SLC24A2: variants seen among roughly 807,000 people sequenced by gnomAD.
SLC24A2 encodes the protein sodium/potassium/calcium exchanger 2.
Under a neutral mutation model 62.0 loss-of-function variants are expected in SLC24A2, and 36 were observed. The observed-to-expected ratio is 0.58, with a 90% CI of 0.44 to 0.77. The LOEUF (loss-of-function observed/expected upper bound fraction) is 0.77. Among genes scored for constraint, SLC24A2 ranks in the 30% least tolerant of loss-of-function variants. The pLI, the probability that SLC24A2 is intolerant of heterozygous loss-of-function variation, is 0.00. For missense variants in SLC24A2, 846 were observed against 817.9 expected (o/e 1.03, Z -0.42); for synonymous variants, 358 against 294.0 (o/e 1.22, Z -2.23).
the SLC24A2 span, among the ~76,000 whole-genome samples, chr9:20,305,716 T>C: frequency 1.2e-4 from 18 of 152,334 alleles, no homozygotes; most frequent in Non-Finnish European, 2.2e-4. Context: ...GATGAGGACA[T>C]TGAGGCTCCA....
chr9:19,833,052 C>T, the SLC24A2 span, among the ~76,000 whole-genome samples: 1 of 152,192 alleles, frequency 6.6e-6, no homozygotes, highest in Non-Finnish European at 1.5e-5. Context: ...TACCATCTCA[C>T]ACCAGTTAGA....
At chr9:19,547,810 C>A (rs541960366) in intron 8 of SLC24A2, among the ~76,000 whole-genome samples, 4 of 151,530 alleles carry the variant, frequency 2.6e-5, no homozygotes, top group Middle Eastern at 3.2e-3. Flanking sequence ...AAGCATTGGA[C>A]TAAACAGCAG....
At chr9:19,837,880 C>T in the SLC24A2 span, among the ~76,000 whole-genome samples, 2 of 151,906 alleles carry the variant, frequency 1.3e-5, no homozygotes, top group East Asian at 3.8e-4. Context: ...AGGACCTCTT[C>T]AAGGAGAACT....
At chr9:19,932,901 T>A in the SLC24A2 span, among the ~76,000 whole-genome samples, 1 of 152,222 alleles carries the variant, frequency 6.6e-6, no homozygotes, top group Non-Finnish European at 1.5e-5. Flanking sequence ...TCCCCCGTCA[T>A]CACTGGTTTC....
intron 5 of SLC24A2, among the ~76,000 whole-genome samples, chr9:19,581,750 T>C (rs1423684517): frequency 6.6e-6 from 1 of 152,222 alleles, no homozygotes; most frequent in African/African-American, 2.4e-5. Flanking sequence ...AGATTCCAAA[T>C]TGCCATAAAG....
At chr9:19,808,355 C>T in the SLC24A2 span, among the ~76,000 whole-genome samples, 15 of 152,192 alleles carry the variant, frequency 9.9e-5, no homozygotes, top group Admixed American at 2.6e-4. This position sits in a 1 kb window ranked among gnomAD's most constrained non-coding sequence, Gnocchi z 4.1. Flanking sequence ...CTTTATGTCC[C>T]ATGAAAGAAA....
At chr9:20,056,000 T>C in the SLC24A2 span, among the ~76,000 whole-genome samples, 1 of 152,152 alleles carries the variant, frequency 6.6e-6, no homozygotes, top group African/African-American at 2.4e-5. Context: ...ATGTGTGGAG[T>C]ATTTAAAAAT....
the SLC24A2 span, among the ~76,000 whole-genome samples, chr9:19,937,644 T>C: frequency 1.3e-5 from 2 of 151,334 alleles, no homozygotes; most frequent in African/African-American, 4.9e-5. Context: ...ATCAATGTTG[T>C]CTGTTGAAAT....
At chr9:20,275,550 C>G in the SLC24A2 span, among the ~76,000 whole-genome samples, 2 of 152,228 alleles carry the variant, frequency 1.3e-5, no homozygotes, top group African/African-American at 4.8e-5. Flanking sequence ...GACACCCACT[C>G]ACCTCCCAGC....
the SLC24A2 span, among the ~76,000 whole-genome samples, chr9:20,149,495 G>A: frequency 9.0e-6 from 1 of 110,654 alleles, no homozygotes; most frequent in Non-Finnish European, 1.9e-5. Context: ...TTCTGTAATG[G>A]GCTCGATGAT....
chr9:20,082,131 C>A, the SLC24A2 span, among the ~76,000 whole-genome samples: 1 of 152,154 alleles, frequency 6.6e-6, no homozygotes, highest in Non-Finnish European at 1.5e-5. Context: ...AGTCTCTGTT[C>A]CAGTTGACTC....
At chr9:19,648,749 G>T (rs928312117) in intron 2 of SLC24A2, among the ~76,000 whole-genome samples, 1 of 152,114 alleles carries the variant, frequency 6.6e-6, no homozygotes, top group African/African-American at 2.4e-5. Context: ...AGAGGTTAGG[G>T]TTGGTTATTG....
chr9:19,554,155 G>A (rs1834971617), intron 7 of SLC24A2, among the ~76,000 whole-genome samples: 1 of 152,154 alleles, frequency 6.6e-6, no homozygotes, highest in Non-Finnish European at 1.5e-5. Flanking sequence ...TTGCACAGAA[G>A]AAAGGCCACA....
intron 5 of SLC24A2, among the ~76,000 whole-genome samples, chr9:19,592,525 CCTACCTACCTACCTACCTAT>C (rs1563986576): frequency 3.3e-5 from 5 of 151,762 alleles, no homozygotes; most frequent in African/African-American, 4.8e-5. Context: ...TACCTACCTA[CCTACCTACCTACCTACCTAT>C]CTACCTATCT....
chr9:19,638,077 T>C (rs1320334782), intron 2 of SLC24A2, among the ~76,000 whole-genome samples: 2 of 152,196 alleles, frequency 1.3e-5, no homozygotes, highest in East Asian at 3.8e-4. Context: ...ATTTTACTGC[T>C]GGAGAAAGAG....
At chr9:19,887,281 G>C in the SLC24A2 span, among the ~76,000 whole-genome samples, 1 of 152,086 alleles carries the variant, frequency 6.6e-6, no homozygotes, top group Non-Finnish European at 1.5e-5. Flanking sequence ...ATTTGCTTAA[G>C]TTCCTTGTAG....
chr9:19,571,594 C>A (rs1254737215), intron 7 of SLC24A2, among the ~76,000 whole-genome samples: 1 of 152,180 alleles, frequency 6.6e-6, no homozygotes, highest in East Asian at 1.9e-4. Context: ...CTCATTAGAA[C>A]TGCAGACTCT....
At chr9:19,961,805 G>A in the SLC24A2 span, among the ~76,000 whole-genome samples, 16 of 152,262 alleles carry the variant, frequency 1.1e-4, no homozygotes, top group South Asian at 8.3e-4. Context: ...TGTGAGCAGC[G>A]CCATGGGAAG....
At chr9:20,220,889 G>A in the SLC24A2 span, among the ~76,000 whole-genome samples, 2 of 152,044 alleles carry the variant, frequency 1.3e-5, no homozygotes, top group Non-Finnish European at 2.9e-5. Flanking sequence ...TAAAGGAAAT[G>A]ACCAATACTC....
Sources: allele counts gnomAD v4.1 joint callset (sites outside exome capture counted in the v4.1 genomes callset), GRCh38; gene constraint gnomAD v4.1.1; non-coding constraint Gnocchi (gnomAD v3.1); transcripts MANE v1.5; gene names NCBI Gene and HGNC (gene_info 2026-07-23, HGNC 2026-07-21).